The following FRMD4A variants were observed in gnomAD, a reference collection of about 807,000 sequenced individuals.
FRMD4A encodes the protein FERM domain-containing protein 4A.
FRMD4A carries 29 observed loss-of-function variants against 129.1 expected under a neutral mutation model. That is an observed-to-expected ratio of 0.22 (90% confidence interval 0.17 to 0.31). The LOEUF is 0.31. Among genes scored for constraint, FRMD4A ranks in the 10% least tolerant of loss-of-function variants. FRMD4A has a pLI of 1.00. For synonymous variants in FRMD4A, 634 were observed against 571.6 expected (o/e 1.11, Z -1.56); for missense variants, 1,272 against 1,375.8 (o/e 0.92, Z 1.19).
chr10:14,319,555 C>T lies in FRMD4A; in HGVS notation c.45+10503G>A, dbSNP rs11813017. ...AATCACCAAGACTTCTTCAATGGGG[C>T]CATGCGGCACATTCAATGTGAAGAA... On this transcript the variant is annotated intron_variant, in intron 2 of 24. Transcript: ENST00000357447. 3.1e-3 allele frequency among the ~76,000 whole-genome samples: 474 copies of T among 152,286 alleles called. 3 individuals carry two copies. Among genetic ancestry groups the T allele is most frequent in the African/African-American group, 0.011 (441 of 41,558 alleles).
In FRMD4A at chr10:13,660,472, C is replaced by G; in HGVS notation, c.1742G>C (p.Arg581Thr). Reference protein sequence around the residue: ...GLPPRPPSHNRPPPPQSLEGL... With the variant: ...GLPPRPPSHNTPPPPQSLEGL... ...CTCCAGGGACTGGGGAGGAGGAGGC[C>G]TGTTGTGCGACGGTGGCCGAGGAGG... Residue 581 changes from arginine to threonine, a missense_variant, in exon 20 of 25, where the codon AGG (arginine) becomes ACG (threonine). Transcript: ENST00000357447. The G allele has an allele frequency of 6.2e-7, 1 of 1,614,092 alleles. No individual in the cohort carries two copies. The highest frequency in any genetic ancestry group is 1.1e-5 in the South Asian group (1 of 91,076).
intron 2 of FRMD4A, among the ~76,000 whole-genome samples, chr10:13,925,590 TTTTTTTTTTTTG>T: frequency 9.5e-6 from 1 of 104,864 alleles, no homozygotes; most frequent in African/African-American, 4.0e-5. Flanking sequence ...TTTTTTTTTT[TTTTTTTTTTTTG>T]AGATGGAGTC....
At chr10:13,659,245 T>C in intron 21 of FRMD4A, 78 bp downstream of exon 21, 5 of 1,256,120 alleles carry the variant, frequency 4.0e-6, no homozygotes, top group Middle Eastern at 1.9e-4. Flanking sequence ...CATCCATTAT[T>C]TGGGCCAGCT....
intron 3 of FRMD4A, among the ~76,000 whole-genome samples, chr10:13,840,602 A>G (rs2093947384): frequency 6.6e-6 from 1 of 151,544 alleles, no homozygotes; most frequent in Non-Finnish European, 1.5e-5. Context: ...CAGTCTGGCC[A>G]ACATGGTGAA....
chr10:14,272,988 G>A (rs544733113), intron 2 of FRMD4A, among the ~76,000 whole-genome samples: 14 of 152,210 alleles, frequency 9.2e-5, no homozygotes, highest in Admixed American at 6.5e-4. Flanking sequence ...ACCTGAGGCA[G>A]ACGGATTGCC....
chr10:14,296,092 G>C (rs1011769536), intron 2 of FRMD4A, among the ~76,000 whole-genome samples: 1 of 152,008 alleles, frequency 6.6e-6, no homozygotes, highest in Non-Finnish European at 1.5e-5. Context: ...TGGCGACGGG[G>C]GGTCTCTGGT....
At chr10:13,977,618 C>T (rs940879646) in intron 2 of FRMD4A, among the ~76,000 whole-genome samples, 2 of 152,180 alleles carry the variant, frequency 1.3e-5, no homozygotes, top group African/African-American at 4.8e-5. Flanking sequence ...ACATTTTCAT[C>T]CCCCAAAAGA....
At chr10:14,226,435 G>C (rs142037860) in intron 2 of FRMD4A, among the ~76,000 whole-genome samples, 65 of 152,200 alleles carry the variant, frequency 4.3e-4, no homozygotes, top group Non-Finnish European at 8.1e-4. Context: ...GCCTGTTCCA[G>C]AGACCAGGTT....
chr10:14,141,596 C>T (rs1037509748), intron 2 of FRMD4A, among the ~76,000 whole-genome samples: 4 of 152,148 alleles, frequency 2.6e-5, no homozygotes, highest in African/African-American at 9.7e-5. Flanking sequence ...TGCCATACCC[C>T]CTTCACCTAG....
At chr10:14,201,844 G>A (rs527830576) in intron 2 of FRMD4A, among the ~76,000 whole-genome samples, 2 of 152,154 alleles carry the variant, frequency 1.3e-5, no homozygotes, top group Admixed American at 6.6e-5. Flanking sequence ...TAAAATTCAC[G>A]TGGAGGCTGG....
chr10:13,924,368 C>T (rs781074934), intron 2 of FRMD4A, among the ~76,000 whole-genome samples: 1 of 151,666 alleles, frequency 6.6e-6, no homozygotes, highest in Non-Finnish European at 1.5e-5. Context: ...TGGAAATCTC[C>T]TTTCTACCCC....
intron 2 of FRMD4A, among the ~76,000 whole-genome samples, chr10:14,289,864 A>T (rs2132073443): frequency 6.6e-6 from 1 of 151,984 alleles, no homozygotes; most frequent in South Asian, 2.1e-4. Context: ...AATCCTAAAG[A>T]CTCCACACAC....
intron 2 of FRMD4A, among the ~76,000 whole-genome samples, chr10:14,190,465 A>G (rs1842283292): frequency 6.6e-6 from 1 of 152,164 alleles, no homozygotes; most frequent in Non-Finnish European, 1.5e-5. Flanking sequence ...TCAGTCTCCA[A>G]GGCTCTAGCG....
At chr10:13,834,311 C>T (rs918054774) in intron 3 of FRMD4A, among the ~76,000 whole-genome samples, 25 of 152,052 alleles carry the variant, frequency 1.6e-4, no homozygotes, top group African/African-American at 5.8e-4. Flanking sequence ...CCACCAACAA[C>T]AAAACAAAAC....
intron 2 of FRMD4A, among the ~76,000 whole-genome samples, chr10:14,163,520 G>C (rs908793458): frequency 4.6e-5 from 7 of 152,190 alleles, no homozygotes; most frequent in Admixed American, 4.6e-4. Flanking sequence ...TGAATGGGTC[G>C]CTTTGTCTTG....
chr10:14,159,158 G>A (rs771485751), intron 2 of FRMD4A, among the ~76,000 whole-genome samples: 10 of 152,112 alleles, frequency 6.6e-5, no homozygotes, highest in Non-Finnish European at 1.2e-4. Context: ...GGGATTGCTG[G>A]AAAATATAAA....
intron 2 of FRMD4A, among the ~76,000 whole-genome samples, chr10:14,193,136 T>G (rs1297265517): frequency 2.0e-5 from 3 of 152,232 alleles, no homozygotes; most frequent in Admixed American, 1.3e-4. Flanking sequence ...ATCATGATCT[T>G]GGGAAGAACA....
At chr10:14,000,609 T>C (rs1357974801) in intron 2 of FRMD4A, among the ~76,000 whole-genome samples, 2 of 117,166 alleles carry the variant, frequency 1.7e-5, no homozygotes, top group East Asian at 5.6e-4. Context: ...ATCATGCCAC[T>C]GCACTCCAGC....
intron 2 of FRMD4A, among the ~76,000 whole-genome samples, chr10:14,009,446 C>T (rs984179895): frequency 1.3e-5 from 2 of 152,154 alleles, no homozygotes; most frequent in Admixed American, 6.5e-5. Flanking sequence ...ACCACTCATA[C>T]GCTCTGGGCA....
Sources: allele counts gnomAD v4.1 joint callset (sites outside exome capture counted in the v4.1 genomes callset), GRCh38; gene constraint gnomAD v4.1.1; transcripts MANE v1.5; gene names NCBI Gene and HGNC (gene_info 2026-07-23, HGNC 2026-07-21).